HEMK2: variants seen among roughly 807,000 people sequenced by gnomAD.
The protein encoded by HEMK2 is HemK methyltransferase 2, ETF1 glutamine and histone H4 lysine.
chr21:28,664,614 T>C, the HEMK2 span, among the ~76,000 whole-genome samples: 1 of 152,084 alleles, frequency 6.6e-6, no homozygotes, highest in Non-Finnish European at 1.5e-5. Flanking sequence ...AAAATATATA[T>C]ATATTGTAAG....
chr21:28,605,659 A>G, the HEMK2 span, among the ~76,000 whole-genome samples: 85 of 152,300 alleles, frequency 5.6e-4, no homozygotes, highest in South Asian at 0.017. Context: ...ATTTTAACAT[A>G]TATACAGATA....
the HEMK2 span, among the ~76,000 whole-genome samples, chr21:28,674,143 C>A: frequency 6.6e-6 from 1 of 152,156 alleles, no homozygotes; most frequent in Non-Finnish European, 1.5e-5. Context: ...CTCTGGTCAT[C>A]CTCATTGCTA....
chr21:28,865,855 C>A, the HEMK2 span, among the ~76,000 whole-genome samples: 1 of 152,114 alleles, frequency 6.6e-6, no homozygotes, highest in Non-Finnish European at 1.5e-5. Flanking sequence ...CCTCTATCAT[C>A]AAACTGTAGC....
chr21:28,870,315 G>A, the HEMK2 span, among the ~76,000 whole-genome samples: 2 of 152,144 alleles, frequency 1.3e-5, no homozygotes, highest in African/African-American at 2.4e-5. Flanking sequence ...TGTTACAACT[G>A]ATGAACCAAT....
At chr21:28,861,052 G>A in the HEMK2 span, among the ~76,000 whole-genome samples, 1 of 152,234 alleles carries the variant, frequency 6.6e-6, no homozygotes, top group African/African-American at 2.4e-5. Flanking sequence ...CCAGCTGGGA[G>A]GGTGCAGAAG....
the HEMK2 span, among the ~76,000 whole-genome samples, chr21:28,632,952 C>T: frequency 6.6e-6 from 1 of 152,204 alleles, no homozygotes; most frequent in Admixed American, 6.5e-5. Flanking sequence ...ACTGTCAACA[C>T]ATCACATAAG....
the HEMK2 span, among the ~76,000 whole-genome samples, chr21:28,822,694 T>C: frequency 6.6e-6 from 1 of 152,128 alleles, no homozygotes; most frequent in Admixed American, 6.5e-5. Flanking sequence ...TTTCCCCAGT[T>C]ATTACTGAAG....
At chr21:28,662,948 T>C in the HEMK2 span, among the ~76,000 whole-genome samples, 22 of 152,270 alleles carry the variant, frequency 1.4e-4, no homozygotes, top group African/African-American at 5.1e-4. Flanking sequence ...CCAAGCCCAA[T>C]CTTAACTGCT....
At chr21:28,645,760 C>T in the HEMK2 span, among the ~76,000 whole-genome samples, 1 of 152,072 alleles carries the variant, frequency 6.6e-6, no homozygotes, top group Admixed American at 6.6e-5. Context: ...GGAGTCTGCC[C>T]CTCTCATCAT....
At chr21:28,709,438 T>C in the HEMK2 span, among the ~76,000 whole-genome samples, 3 of 152,166 alleles carry the variant, frequency 2.0e-5, no homozygotes, top group African/African-American at 4.8e-5. Flanking sequence ...TAATATAGGA[T>C]GGAACTTCGG....
chr21:28,654,659 CA>C, the HEMK2 span, among the ~76,000 whole-genome samples: 1 of 152,072 alleles, frequency 6.6e-6, no homozygotes, highest in Non-Finnish European at 1.5e-5. Flanking sequence ...GCTGTCCAAA[CA>C]AAAACCTGGC....
At chr21:28,877,348 A>G in the HEMK2 span, among the ~76,000 whole-genome samples, 1 of 148,852 alleles carries the variant, frequency 6.7e-6, no homozygotes, top group South Asian at 2.2e-4. Context: ...GAAGGAAGGA[A>G]AGAAAAAAAA....
chr21:28,609,094 G>T, the HEMK2 span, among the ~76,000 whole-genome samples: 1 of 152,148 alleles, frequency 6.6e-6, no homozygotes, highest in Admixed American at 6.6e-5. Context: ...CCTGGCTGGA[G>T]GCCAACCAGC....
chr21:28,694,460 C>T, the HEMK2 span, among the ~76,000 whole-genome samples: 1 of 152,098 alleles, frequency 6.6e-6, no homozygotes, highest in Non-Finnish European at 1.5e-5. Context: ...TTCTTTAAAG[C>T]CTCCCTCCAT....
At chr21:28,652,650 A>AACCC in the HEMK2 span, among the ~76,000 whole-genome samples, 2 of 152,182 alleles carry the variant, frequency 1.3e-5, no homozygotes, top group African/African-American at 2.4e-5. Flanking sequence ...TTCCACCTGA[A>AACCC]ACCCACTTTA....
the HEMK2 span, among the ~76,000 whole-genome samples, chr21:28,755,204 T>G: frequency 6.6e-6 from 1 of 152,180 alleles, no homozygotes; most frequent in Non-Finnish European, 1.5e-5. Context: ...GAAAATGTAC[T>G]ACAGTGCGGT....
chr21:28,644,641 A>G, the HEMK2 span, among the ~76,000 whole-genome samples: 2 of 152,222 alleles, frequency 1.3e-5, no homozygotes, highest in African/African-American at 4.8e-5. Flanking sequence ...CAAAGTATTA[A>G]ATTCTGACTA....
the HEMK2 span, among the ~76,000 whole-genome samples, chr21:28,725,887 C>T: frequency 1.6e-4 from 24 of 152,258 alleles, no homozygotes; most frequent in East Asian, 2.1e-3. Flanking sequence ...AAGTGACTTC[C>T]AGTAAATTGT....
chr21:28,818,704 C>A, the HEMK2 span, among the ~76,000 whole-genome samples: 1 of 152,180 alleles, frequency 6.6e-6, no homozygotes, highest in Non-Finnish European at 1.5e-5. Flanking sequence ...TTCCCTGGAG[C>A]CTCACAGGGA....
Sources: allele counts gnomAD v4.1 joint callset (sites outside exome capture counted in the v4.1 genomes callset), GRCh38; gene constraint gnomAD v4.1.1; transcripts MANE v1.5; gene names NCBI Gene and HGNC (gene_info 2026-07-23, HGNC 2026-07-21).